Variants in CHST5 observed in about 807,000 individuals in gnomAD.
CHST5 encodes GST4-alpha.
For missense variants in CHST5, 637 were observed against 602.1 expected, an observed-to-expected ratio of 1.06 and a Z score of -0.61; for synonymous variants, 313 against 279.2, an observed-to-expected ratio of 1.12 and a Z score of -1.21.
chr16:75,534,885 C>A (rs76260009), intron 2 of CHST5, among the ~76,000 whole-genome samples: 6,012 of 152,300 alleles, frequency 0.039, 369 homozygotes, highest in African/African-American at 0.13. Context: ...CGCACCCCGA[C>A]CCCTGCCCTG....
chr16:75,531,320 C>CAAAAAAAAAAAAAAAAA lies in CHST5; in HGVS notation c.-953_-937dup. ...CTGAGTGAAGAGTGAGACTCCGTTTCAAAAAAAAAAAAAAAAACAACAAAA... is the reference window on the plus strand; with the variant it reads ...CTGAGTGAAGAGTGAGACTCCGTTTCAAAAAAAAAAAAAAAAAAAAAAAAAAAAAAAAAACAACAAAA... On this transcript the variant is annotated 5_prime_UTR_variant, in exon 4 of 4. It introduces an in-frame stop codon into an upstream open reading frame of the 5' UTR. Coordinates refer to ENST00000336257, the MANE Select transcript of CHST5 (RefSeq NM_024533.5). 1 of 737,694 alleles carries CAAAAAAAAAAAAAAAAA rather than the reference C, an allele frequency of 1.4e-6. No homozygotes were observed. Among genetic ancestry groups the CAAAAAAAAAAAAAAAAA allele is most frequent in the Non-Finnish European group, 1.6e-6 (1 of 624,570 alleles). The allele number at this position is 737,694 out of a possible 1,614,324, so 45.7% of individuals were successfully genotyped here.
Position 75,529,372 on chromosome 16 carries a change from A to G in CHST5, c.1013T>C (p.Ile338Thr). The G allele has an allele frequency of 6.2e-7, 1 of 1,613,110 alleles. No homozygotes were observed. The highest frequency in any genetic ancestry group is 8.5e-7 in the Non-Finnish European group (1 of 1,179,914). ...CCTAGACGAAGTATGGAAGGCCTCG[A>G]TTGGCTTGCCGATCCCCGACCCGTG... ...ITHGSGIGKP[I>T]EAFHTSSRNA... is the part of the protein sequence containing the mutation. The change falls in exon 4 of 4, where the codon ATC becomes ACC. Residue 338 changes from isoleucine (I) to threonine (T), a missense_variant. Coordinates refer to ENST00000336257, the MANE Select transcript of CHST5 (RefSeq NM_024533.5).
rs1269658926 is a variant in CHST5, at chr16:75,531,653, G to A, written c.-1256-13C>T. The A allele has an allele frequency of 2.3e-6, 3 of 1,303,036 alleles. No individual in the cohort carries two copies. Among genetic ancestry groups the A allele is most frequent in the Non-Finnish European group, 3.0e-6 (3 of 988,094 alleles). The allele number at this position is 1,303,036 out of a possible 1,614,324, so 80.7% of individuals were successfully genotyped here. A position where few individuals can be genotyped will look rare whatever the true frequency, so the allele number is the denominator to read the frequency against. Reference sequence around the variant, plus strand: ...GATGTCTCGACATCTGGCAAAGCAGGAAGGAGAGGAGATCAGAGCCCTACA... The same window carrying A: ...GATGTCTCGACATCTGGCAAAGCAGAAAGGAGAGGAGATCAGAGCCCTACA... On this transcript the variant is annotated splice_polypyrimidine_tract_variant and intron_variant, in intron 3 of 3. Transcript: ENST00000336257.
chr16:75,535,945 G>C (rs2080558391), intron 1 of CHST5, among the ~76,000 whole-genome samples, 99 bp downstream of exon 1: 1 of 152,188 alleles, frequency 6.6e-6, no homozygotes, highest in Non-Finnish European at 1.5e-5. Flanking sequence ...TCTTAATCTT[G>C]GCCCTCCTCG....
In CHST5 at chr16:75,530,309, G is replaced by A. The variant is rs372573866; in HGVS notation, c.76C>T (p.Arg26Trp). The stretch of plus-strand genomic sequence containing the variant: ...ACTGTCACTGTCTTGCTGGAGAACC[G>A]TGGCAGCCACATGCGGGCGGCTGGG... ...RPPAARMWLPRFSSKTVTVLL... is the reference protein window; with the variant it reads ...RPPAARMWLPWFSSKTVTVLL... Residue 26 changes from arginine to tryptophan, a missense_variant, in exon 4 of 4, where the codon CGG becomes TGG. Transcript: ENST00000336257. 4.8e-5 allele frequency: 78 copies of A among 1,608,886 alleles called. No homozygotes were observed. The highest frequency in any genetic ancestry group is 5.3e-5 in the Non-Finnish European group (63 of 1,178,140).
rs753342076 is a variant in CHST5 at position 75,530,127 on chromosome 16, G to C, written c.258C>G (p.Pro86=). ...SFLGQLFSQH[P]DVFYLMEPAW... ...CGGGCTCCATCAGGTAGAAGACGTC[G>C]GGGTGCTGGCTGAAGAGCTGGCCCA... Residue 86 remains proline (P), a synonymous_variant, in exon 4 of 4, where the codon CCC becomes CCG. Coordinates refer to ENST00000336257, the MANE Select transcript of CHST5 (RefSeq NM_024533.5). The C allele has an allele frequency of 6.2e-7, 1 of 1,613,386 alleles. No homozygotes were observed. Among genetic ancestry groups the C allele is most frequent in the East Asian group, 2.2e-5 (1 of 44,894 alleles).
chr16:75,529,794 C>T lies in CHST5; in HGVS notation c.591G>A (p.Glu197=). The change falls in exon 4 of 4, where the codon GAG becomes GAA. Residue 197 remains glutamate (E), a synonymous_variant. Coordinates refer to ENST00000336257, the MANE Select transcript of CHST5 (RefSeq NM_024533.5). ...GCACCTGCAGGTTGAAGAAGCGCAC[C>T]TCCTTGAGCACCACGTGGCTGTAGG... is the stretch of plus-strand genomic sequence containing the variant. ...CRSYSHVVLK[E]VRFFNLQVLY... is the part of the protein sequence containing the mutation. 6.2e-7 allele frequency: 1 copy of T among 1,613,852 alleles called. No individual in the cohort carries two copies. Among genetic ancestry groups the T allele is most frequent in the Non-Finnish European group, 8.5e-7 (1 of 1,179,918 alleles).
intron 2 of CHST5, among the ~76,000 whole-genome samples, chr16:75,533,950 A>G (rs769527849): frequency 4.7e-5 from 7 of 148,390 alleles, no homozygotes; most frequent in Admixed American, 2.7e-4. Flanking sequence ...GAGGCAGGAG[A>G]GTAGCTTGAA....
In CHST5 at chr16:75,528,536, G is replaced by A. The variant is rs1420345858; in HGVS notation, c.*613C>T. ...GAGGTTACAGTTCACTAGATTGCAG[G>A]ACTTTTGAACAAATTTATTACTTAT... On this transcript the variant is annotated 3_prime_UTR_variant, in exon 4 of 4. Transcript: ENST00000336257. 4 of 152,152 alleles carry A rather than the reference G, an allele frequency of 2.6e-5. No individual in the cohort carries two copies. Among genetic ancestry groups the A allele is most frequent in the Non-Finnish European group, 5.9e-5 (4 of 68,050 alleles). The allele number at this position is 152,152 out of a possible 1,614,324, so 9.4% of individuals were successfully genotyped here.
rs1347249403 is a variant in CHST5 at position 75,531,068 on chromosome 16, AT to A, written c.-685del. 5 of 1,000,466 alleles carry A rather than the reference AT, an allele frequency of 5.0e-6. No individual in the cohort carries two copies. The South Asian group carries it at 1.4e-4, about 28-fold the overall frequency. The allele number at this position is 1,000,466 out of a possible 1,614,324, so 62.0% of individuals were successfully genotyped here. ...CCAGGCGCGGTGGCTCACGCCTGTAATCCCAGCATTATGGGAGGCCGAGGCG... is the reference window on the plus strand; with the variant it reads ...CCAGGCGCGGTGGCTCACGCCTGTAACCCAGCATTATGGGAGGCCGAGGCG... On this transcript the variant is annotated 5_prime_UTR_variant, in exon 4 of 4. It removes the in-frame stop codon of an upstream open reading frame in the 5' UTR. Coordinates refer to ENST00000336257, the MANE Select transcript of CHST5 (RefSeq NM_024533.5).
In CHST5 at chr16:75,533,110, G is replaced by C. The variant is rs144664714; in HGVS notation, c.-1278C>G. ...TTACCTGTGTTCCAGGAAAGCCAGA[G>C]GTCTTCTTAAGGTGGTTGAATCACT... On this transcript the variant is annotated 5_prime_UTR_variant, in exon 3 of 4. Transcript: ENST00000336257. The C allele has an allele frequency of 1.3e-5, 9 of 702,152 alleles. No individual in the cohort carries two copies. Among genetic ancestry groups the C allele is most frequent in the African/African-American group, 5.2e-5 (3 of 57,362 alleles). The allele number at this position is 702,152 out of a possible 1,614,324, so 43.5% of individuals were successfully genotyped here.
Position 75,529,710 on chromosome 16 carries a change from G to T in CHST5, c.675C>A (p.Asp225Glu). Residue 225 changes from aspartate to glutamate, a missense_variant, in exon 4 of 4, where the codon GAC (aspartate) becomes GAA (glutamate). By Grantham distance (45) the Asp-to-Glu change is conservative. Coordinates refer to ENST00000336257, the MANE Select transcript of CHST5 (RefSeq NM_024533.5). ...CCCGGGAGCGCAGCACGGCCCGCGG[G>T]TCGCGCACCAGGTGCACGATGCGCA... Reference protein sequence around the residue: ...LNLRIVHLVRDPRAVLRSREA... With the variant: ...LNLRIVHLVREPRAVLRSREA... 1 of 1,611,874 alleles carries T rather than the reference G, an allele frequency of 6.2e-7. No individual in the cohort carries two copies. Among genetic ancestry groups the T allele is most frequent in the Non-Finnish European group, 8.5e-7 (1 of 1,179,320 alleles).
intron 2 of CHST5, among the ~76,000 whole-genome samples, chr16:75,534,038 CAAAAAAAAAA>C (rs35062691): frequency 7.4e-5 from 6 of 81,252 alleles, no homozygotes; most frequent in African/African-American, 2.1e-4. Context: ...AACTCCATAT[CAAAAAAAAAA>C]AAAAAAAAAA....
rs1186071548 is a variant in CHST5, at chr16:75,530,912, G to A, written c.-528C>T. ...CTGGCTCACAGGATCTGGGGGGATT[G>A]GGGGGTTATTATAATGAAGATGGGG... On this transcript the variant is annotated 5_prime_UTR_variant, in exon 4 of 4. Transcript: ENST00000336257. 1 of 1,003,018 alleles carries A rather than the reference G, an allele frequency of 1.0e-6. No individual in the cohort carries two copies. Among genetic ancestry groups the A allele is most frequent in the African/African-American group, 1.8e-5 (1 of 57,054 alleles). 62.1% of individuals were successfully genotyped at this position (1,003,018 alleles called of 1,614,324 possible).
chr16:75,534,636 G>A (rs1307102819), intron 2 of CHST5, among the ~76,000 whole-genome samples: 2 of 152,226 alleles, frequency 1.3e-5, no homozygotes, highest in South Asian at 4.1e-4. Flanking sequence ...GCGAGACTCC[G>A]TCTCGAAACA....
In CHST5 at chr16:75,529,408, T is replaced by G; in HGVS notation, c.977A>C (p.His326Pro). Residue 326 changes from histidine (H) to proline (P), a missense_variant, in exon 4 of 4, where the codon CAC becomes CCC. By Grantham distance (77) the His-to-Pro change is moderately conservative. Coordinates refer to ENST00000336257, the MANE Select transcript of CHST5 (RefSeq NM_024533.5). Reference protein sequence around the residue: ...TLTPQLEAWIHNITHGSGIGK... With the variant: ...TLTPQLEAWIPNITHGSGIGK... ...GATCCCCGACCCGTGGGTGATGTTG[T>G]GGATCCAGGCCTCGAGCTGTGGCGT... 1 of 1,613,106 alleles carries G rather than the reference T, an allele frequency of 6.2e-7. No homozygotes were observed. Among genetic ancestry groups the G allele is most frequent in the Non-Finnish European group, 8.5e-7 (1 of 1,179,932 alleles).
At position 75,529,910 on chromosome 16, in the gene CHST5, C is replaced by A. The variant is rs1373993161; in HGVS notation, c.475G>T (p.Ala159Ser). ...RALCSPPACS[A>S]FPRGTISKQD... ...TTGCTGATGGTGCCTCGGGGAAAGG[C>A]GCTGCAGGCGGGCGGCGAGCACAGC... The change falls in exon 4 of 4, where the codon GCC (alanine) becomes TCC (serine). Residue 159 changes from alanine (A) to serine (S), a missense_variant. Transcript: ENST00000336257. 4 of 1,613,394 alleles carry A rather than the reference C, an allele frequency of 2.5e-6. No individual in the cohort carries two copies. In the South Asian group the frequency reaches 3.3e-5, roughly 13 times the overall value.
At chr16:75,535,021 G>C (rs1266407544) in intron 2 of CHST5, 106 bp downstream of exon 2, 1 of 152,404 alleles carries the variant, frequency 6.6e-6, no homozygotes, top group Non-Finnish European at 1.5e-5. Context: ...CGCCAACCCA[G>C]GTCTCTGGTG....
chr16:75,529,373 T>C lies in CHST5; in HGVS notation c.1012A>G (p.Ile338Val), dbSNP rs762281448. The change falls in exon 4 of 4, where the codon ATC becomes GTC. Residue 338 changes from isoleucine to valine, a missense_variant. Physicochemically the swap from Ile to Val is conservative, Grantham distance 29. Coordinates refer to ENST00000336257, the MANE Select transcript of CHST5 (RefSeq NM_024533.5). Reference protein sequence around the residue: ...ITHGSGIGKPIEAFHTSSRNA... With the variant: ...ITHGSGIGKPVEAFHTSSRNA... Reference sequence around the variant, plus strand: ...CTAGACGAAGTATGGAAGGCCTCGATTGGCTTGCCGATCCCCGACCCGTGG... The same window carrying C: ...CTAGACGAAGTATGGAAGGCCTCGACTGGCTTGCCGATCCCCGACCCGTGG... 13 of 1,613,128 alleles carry C rather than the reference T, an allele frequency of 8.1e-6. No homozygotes were observed. In the East Asian group the frequency reaches 1.8e-4, roughly 22 times the overall value.
Sources: allele counts gnomAD v4.1 joint callset (sites outside exome capture counted in the v4.1 genomes callset), GRCh38; gene constraint gnomAD v4.1.1; transcripts MANE v1.5; gene names NCBI Gene and HGNC (gene_info 2026-07-23, HGNC 2026-07-21).